The following TRDN variants were observed in gnomAD, a reference collection of about 807,000 sequenced individuals.
TRDN encodes triadin.
TRDN carries 161 observed loss-of-function variants against 149.7 expected under a neutral mutation model. That is an observed-to-expected ratio of 1.08 (90% CI 0.95 to 1.23). TRDN has a LOEUF of 1.23. Among genes scored for constraint, TRDN ranks in the 50% most tolerant of loss-of-function variants. The pLI is 0.00. For synonymous variants in TRDN, 294 were observed against 250.5 expected, an observed-to-expected ratio of 1.17 and a Z score of -1.64; for missense variants, 896 against 823.5, an observed-to-expected ratio of 1.09 and a Z score of -1.08.
intron 38 of TRDN, among the ~76,000 whole-genome samples, chr6:123,238,929 C>G (rs551786401): frequency 6.6e-6 from 1 of 152,248 alleles, no homozygotes; most frequent in Middle Eastern, 3.4e-3. Flanking sequence ...CAAACTCCAC[C>G]TCCTGGGTTC....
chr6:123,508,832 C>G (rs1436802818), intron 7 of TRDN, among the ~76,000 whole-genome samples: 1 of 152,138 alleles, frequency 6.6e-6, no homozygotes, highest in Non-Finnish European at 1.5e-5. Context: ...TCTACTTTAA[C>G]TGGTCACACC....
intron 1 of TRDN, among the ~76,000 whole-genome samples, chr6:123,613,256 T>C (rs1421518293): frequency 6.6e-6 from 1 of 152,126 alleles, no homozygotes; most frequent in Non-Finnish European, 1.5e-5. Context: ...ATGAGCAAAA[T>C]CCCAACTTAC....
At chr6:123,513,622 T>C (rs1366815791) in intron 6 of TRDN, among the ~76,000 whole-genome samples, 1 of 152,034 alleles carries the variant, frequency 6.6e-6, no homozygotes, top group East Asian at 1.9e-4. Context: ...TATATTGAAG[T>C]TCATGGAAAT....
In TRDN at chr6:123,566,832, T is replaced by C. The variant is rs56132586; in HGVS notation, c.232+4091A>G. 3.9e-3 allele frequency among the ~76,000 whole-genome samples: 595 copies of C among 152,350 alleles called. 1 individual carries two copies. Among genetic ancestry groups the C allele is most frequent in the African/African-American group, 0.014 (579 of 41,578 alleles). ...TGAAGCCATAATTTATATAGTTCTT[T>C]CATTTTTATAATACACATATTTCAA... On this transcript the variant is annotated intron_variant, in intron 2 of 40. Coordinates refer to ENST00000334268, the MANE Select transcript of TRDN (RefSeq NM_006073.4).
intron 10 of TRDN, among the ~76,000 whole-genome samples, chr6:123,463,627 C>T (rs1337578993): frequency 6.6e-6 from 1 of 151,962 alleles, no homozygotes; most frequent in African/African-American, 2.4e-5. Flanking sequence ...AAAATTAAGG[C>T]AACGCTATTA....
intron 4 of TRDN, among the ~76,000 whole-genome samples, chr6:123,536,539 T>C (rs891413910): frequency 1.3e-5 from 2 of 151,866 alleles, no homozygotes; most frequent in African/African-American, 4.8e-5. Flanking sequence ...AAATAAGATA[T>C]GCCAAAGGTA....
At chr6:123,578,447 C>T (rs1280426598) in intron 1 of TRDN, among the ~76,000 whole-genome samples, 2 of 152,150 alleles carry the variant, frequency 1.3e-5, no homozygotes, top group South Asian at 2.1e-4. Flanking sequence ...TCAGCTTTGT[C>T]GAAGATCAGA....
intron 9 of TRDN, among the ~76,000 whole-genome samples, chr6:123,486,210 C>T (rs980722242): frequency 4.6e-5 from 7 of 151,164 alleles, no homozygotes; most frequent in Admixed American, 1.3e-4. Flanking sequence ...TATATCTAAA[C>T]GTCTTATAAC....
intron 23 of TRDN, among the ~76,000 whole-genome samples, chr6:123,330,423 G>A (rs946821150): frequency 3.3e-5 from 5 of 151,800 alleles, no homozygotes; most frequent in Non-Finnish European, 5.9e-5. Context: ...AATGTAGCAC[G>A]ATTTATCTGC....
intron 10 of TRDN, among the ~76,000 whole-genome samples, chr6:123,444,752 G>A (rs1412949044): frequency 6.6e-6 from 1 of 152,090 alleles, no homozygotes; most frequent in Non-Finnish European, 1.5e-5. Flanking sequence ...TTTGTCAAAG[G>A]CCTTTTCTGC....
chr6:123,502,635 G>T, intron 8 of TRDN: 2 of 984,538 alleles, frequency 2.0e-6, no homozygotes, highest in Non-Finnish European at 2.4e-6. Flanking sequence ...CATTTCTTGT[G>T]CCTTATGAGG....
intron 38 of TRDN, among the ~76,000 whole-genome samples, chr6:123,250,139 A>C (rs574179065): frequency 2.0e-4 from 30 of 152,262 alleles, no homozygotes; most frequent in African/African-American, 6.0e-4. Context: ...CTAATCAAGA[A>C]AAAGAAAGAT....
intron 24 of TRDN, among the ~76,000 whole-genome samples, chr6:123,280,212 A>G (rs1376833713): frequency 5.9e-5 from 9 of 152,126 alleles, no homozygotes; most frequent in Admixed American, 2.6e-4. Context: ...AGAGAAGAGG[A>G]AGGGAGTTCT....
chr6:123,302,857 A>C (rs892045909), intron 24 of TRDN, among the ~76,000 whole-genome samples: 1 of 152,124 alleles, frequency 6.6e-6, no homozygotes, highest in African/African-American at 2.4e-5. Context: ...TATATTTCTA[A>C]CAAGCAGCTA....
intron 12 of TRDN, among the ~76,000 whole-genome samples, chr6:123,419,225 A>G (rs1773794413): frequency 6.6e-6 from 1 of 152,130 alleles, no homozygotes; most frequent in African/African-American, 2.4e-5. Flanking sequence ...AAGGGTATAG[A>G]TGTTTCAGAA....
rs1205847059 is a variant in TRDN at position 123,266,458 on chromosome 6, G to T, written c.1784-1120C>A. Reference sequence around the variant, plus strand: ...ATATATAATATATAGATTATGATATGTATTATATATAATATATATATTATA... The same window carrying T: ...ATATATAATATATAGATTATGATATTTATTATATATAATATATATATTATA... On this transcript the variant is annotated intron_variant, in intron 32 of 40. Transcript: ENST00000334268. 3.2e-4 allele frequency among the ~76,000 whole-genome samples: 27 copies of T among 83,510 alleles called. 12 individuals are homozygous for T. Among genetic ancestry groups the T allele is most frequent in the East Asian group, 7.2e-4 (2 of 2,766 alleles). The allele number at this position is 83,510 out of a possible 152,430, so 54.8% of individuals were successfully genotyped here. A position where few individuals can be genotyped will look rare whatever the true frequency, so the allele number is the denominator to read the frequency against.
At chr6:123,306,280 T>G (rs1778608479) in intron 24 of TRDN, among the ~76,000 whole-genome samples, 2 of 152,146 alleles carry the variant, frequency 1.3e-5, no homozygotes, top group Admixed American at 6.6e-5. Context: ...AAGTCTCTGA[T>G]GACCCCAAAC....
intron 1 of TRDN, among the ~76,000 whole-genome samples, chr6:123,631,366 A>G (rs1300961679): frequency 6.6e-6 from 1 of 151,980 alleles, no homozygotes; most frequent in Non-Finnish European, 1.5e-5. Context: ...AATTGTTCTC[A>G]GGTTTTCCCA....
At chr6:123,457,016 G>A (rs1776168353) in intron 10 of TRDN, among the ~76,000 whole-genome samples, 1 of 152,192 alleles carries the variant, frequency 6.6e-6, no homozygotes, top group Non-Finnish European at 1.5e-5. Flanking sequence ...AATGTTTTAT[G>A]AGAAAATTTG....
Sources: allele counts gnomAD v4.1 joint callset (sites outside exome capture counted in the v4.1 genomes callset), GRCh38; gene constraint gnomAD v4.1.1; transcripts MANE v1.5; gene names NCBI Gene and HGNC (gene_info 2026-07-23, HGNC 2026-07-21).